Variants in CYRIB observed in about 807,000 individuals in gnomAD.
CYRIB encodes the protein CYFIP-related Rac1 interactor B.
A neutral mutation model predicts 44.2 loss-of-function variants in CYRIB; 8 were observed. The ratio of observed to expected loss-of-function variants is 0.18; its 90% CI spans 0.11 to 0.33. The LOEUF (loss-of-function observed/expected upper bound fraction) is 0.33, where lower values mean the gene tolerates loss of function less well. Among genes scored for constraint, CYRIB ranks in the 10% least tolerant of loss-of-function variants. The pLI is 1.00. For missense variants in CYRIB, 185 were observed against 382.8 expected (o/e 0.48, Z 4.31); for synonymous variants, 131 against 127.2 (o/e 1.03, Z -0.20).
At chr8:129,929,884 C>A (rs1196109149) in intron 1 of CYRIB, among the ~76,000 whole-genome samples, 2 of 152,080 alleles carry the variant, frequency 1.3e-5, no homozygotes, top group Non-Finnish European at 2.9e-5. Flanking sequence ...TGACTTAGGA[C>A]AGTTTCTATA....
At chr8:129,934,867 T>G (rs942512355) in intron 1 of CYRIB, among the ~76,000 whole-genome samples, 4 of 152,224 alleles carry the variant, frequency 2.6e-5, no homozygotes, top group Non-Finnish European at 5.9e-5. Context: ...AGGAGGCTCT[T>G]CAGGACTTAG....
At chr8:129,989,005 C>T (rs1325549410) in intron 1 of CYRIB, among the ~76,000 whole-genome samples, 1 of 152,222 alleles carries the variant, frequency 6.6e-6, no homozygotes, top group Admixed American at 6.5e-5. Flanking sequence ...GAAGCGAAAT[C>T]ACCGTCCAGC....
At chr8:129,908,306 C>T (rs932848248) in intron 1 of CYRIB, among the ~76,000 whole-genome samples, 22 of 151,548 alleles carry the variant, frequency 1.5e-4, no homozygotes, top group African/African-American at 3.9e-4. Context: ...AAAAAATAAA[C>T]GATAATTTGT....
intron 2 of CYRIB, among the ~76,000 whole-genome samples, chr8:129,949,716 A>C (rs1267271052): frequency 1.3e-5 from 2 of 152,022 alleles, no homozygotes; most frequent in African/African-American, 4.8e-5. Flanking sequence ...CTAAAAAAAA[A>C]AAAATACAAA....
At chr8:129,898,055 T>C (rs1402470130) in intron 2 of CYRIB, among the ~76,000 whole-genome samples, 1 of 150,992 alleles carries the variant, frequency 6.6e-6, no homozygotes, top group Non-Finnish European at 1.5e-5. Context: ...TGAGCCACTG[T>C]GCCTGGCCCC....
chr8:129,955,383 T>G (rs1301484313), intron 2 of CYRIB, among the ~76,000 whole-genome samples: 1 of 152,140 alleles, frequency 6.6e-6, no homozygotes, highest in African/African-American at 2.4e-5. Flanking sequence ...CTAAGCTGCT[T>G]ACAGAGTTCA....
intron 2 of CYRIB, among the ~76,000 whole-genome samples, chr8:129,956,534 T>TGC (rs1430807976): frequency 3.1e-5 from 4 of 127,852 alleles, no homozygotes; most frequent in South Asian, 5.4e-4. Flanking sequence ...TCTTTGTGTT[T>TGC]GCACACACAC....
At chr8:129,989,367 A>G (rs2096564294) in intron 1 of CYRIB, among the ~76,000 whole-genome samples, 1 of 152,210 alleles carries the variant, frequency 6.6e-6, no homozygotes, top group South Asian at 2.1e-4. Flanking sequence ...CTACTTCCCA[A>G]AGCGGACCGA....
chr8:129,950,705 GTTTTTA>G (rs958761156), intron 2 of CYRIB, among the ~76,000 whole-genome samples: 222 of 152,106 alleles, frequency 1.5e-3, no homozygotes, highest in African/African-American at 4.9e-3. Context: ...TATTATTATT[GTTTTTA>G]TTAACAGACT....
intron 2 of CYRIB, among the ~76,000 whole-genome samples, chr8:129,949,624 T>G (rs2094393053): frequency 6.6e-6 from 1 of 152,036 alleles, no homozygotes. Context: ...TCCCAGCACT[T>G]TGGGAGGCCG....
intron 7 of CYRIB, 32 bp downstream of exon 9, chr8:129,854,234 T>C (rs1380384578): frequency 6.7e-7 from 1 of 1,497,042 alleles, no homozygotes; most frequent in African/African-American, 1.4e-5. Context: ...AAGTTACTCT[T>C]ACCATCCCCC....
chr8:129,855,177 G>A (rs2045543590), intron 6 of CYRIB, among the ~76,000 whole-genome samples: 1 of 152,098 alleles, frequency 6.6e-6, no homozygotes, highest in African/African-American at 2.4e-5. Context: ...GATCACCTGA[G>A]GTCAGGAGTT....
chr8:129,956,685 C>A (rs966017772), intron 2 of CYRIB, among the ~76,000 whole-genome samples: 2 of 152,170 alleles, frequency 1.3e-5, no homozygotes, highest in African/African-American at 4.8e-5. Context: ...CAATTGATCA[C>A]CCCTGCAGGG....
intron 1 of CYRIB, among the ~76,000 whole-genome samples, chr8:129,987,824 G>A (rs1238956509): frequency 1.3e-5 from 2 of 151,958 alleles, no homozygotes. Flanking sequence ...CACCTGCCTC[G>A]GCTTCCCAAA....
intron 5 of CYRIB, among the ~76,000 whole-genome samples, chr8:129,857,298 C>T (rs182198221): frequency 2.1e-4 from 32 of 152,228 alleles, no homozygotes; most frequent in East Asian, 1.4e-3. Flanking sequence ...TAAGACCTCA[C>T]CTAATGGAAG....
chr8:129,937,032 C>A (rs904708272), intron 1 of CYRIB, among the ~76,000 whole-genome samples: 1 of 152,064 alleles, frequency 6.6e-6, no homozygotes, highest in Non-Finnish European at 1.5e-5. Flanking sequence ...ATACAAGATA[C>A]CTGAAAAAAC....
intron 2 of CYRIB, 156 bp from the exon 5 acceptor site, chr8:129,879,627 G>T: frequency 1.7e-6 from 1 of 593,666 alleles, no homozygotes. Flanking sequence ...CAGCAAAACG[G>T]GTTCTCAAGG....
At chr8:129,918,424 T>C (rs538661999) in intron 1 of CYRIB, among the ~76,000 whole-genome samples, 9 of 152,336 alleles carry the variant, frequency 5.9e-5, no homozygotes, top group African/African-American at 2.2e-4. Context: ...AACAACAATC[T>C]TTATCCTGAA....
chr8:129,879,461 T>C, exon 3 of CYRIB: 1 of 1,608,240 alleles, frequency 6.2e-7, no homozygotes, highest in Non-Finnish European at 8.5e-7. Context: ...AGATTCCCCA[T>C]GTTAAGGTAC....
Sources: allele counts gnomAD v4.1 joint callset (sites outside exome capture counted in the v4.1 genomes callset), GRCh38; gene constraint gnomAD v4.1.1; transcripts MANE v1.5; gene names NCBI Gene and HGNC (gene_info 2026-07-23, HGNC 2026-07-21).